The following CPSF6 variants were observed in gnomAD, a reference collection of about 807,000 sequenced individuals.
CPSF6 encodes cleavage and polyadenylation specificity factor subunit 6.
In CPSF6, 10 loss-of-function variants were observed where a neutral mutation model predicts 56.7. The observed-to-expected ratio is 0.18, with a 90% CI of 0.11 to 0.30. The LOEUF is 0.30. Ranked by LOEUF, CPSF6 falls within the 10% of genes least tolerant of loss-of-function variation. CPSF6 has a pLI of 1.00. For missense variants in CPSF6, 419 were observed against 722.9 expected (o/e 0.58, Z 4.82); for synonymous variants, 248 against 244.8 (o/e 1.01, Z -0.12).
At chr12:69,249,760 A>C (rs1872133648) in intron 1 of CPSF6, among the ~76,000 whole-genome samples, 1 of 152,190 alleles carries the variant, frequency 6.6e-6, no homozygotes, top group Non-Finnish European at 1.5e-5. Flanking sequence ...TTCTGCTTTT[A>C]CCTACATTTC....
At chr12:69,268,480 T>C (rs575405592) in intron 9 of CPSF6, among the ~76,000 whole-genome samples, 5 of 151,168 alleles carry the variant, frequency 3.3e-5, no homozygotes, top group Admixed American at 1.3e-4. Context: ...GAAGTAACTC[T>C]TAATTGTAGA....
intron 9 of CPSF6, among the ~76,000 whole-genome samples, chr12:69,268,911 A>G (rs1720452320): frequency 6.6e-6 from 1 of 151,846 alleles, no homozygotes; most frequent in South Asian, 2.1e-4. Context: ...AATTTGTATT[A>G]CGTCTAAAGA....
In CPSF6 at chr12:69,250,506, A is replaced by G. The variant is rs940742053; in HGVS notation, c.61-623A>G. The stretch of plus-strand genomic sequence containing the variant: ...AGGCTGGGTGCAGTGGCTCAAGCCT[A>G]TATTTGGGAGGCCGAGGCAGGAGGA... On this transcript the variant is annotated intron_variant, in intron 1 of 9. Coordinates refer to ENST00000435070, the MANE Select transcript of CPSF6 (RefSeq NM_007007.3). Among the ~76,000 whole-genome samples, 6 of 149,330 alleles carry G rather than the reference A, an allele frequency of 4.0e-5. No individual in the cohort carries two copies. The East Asian group carries it at 5.9e-4, about 15-fold the overall frequency.
chr12:69,242,674 G>A (rs1871688277), intron 1 of CPSF6, among the ~76,000 whole-genome samples: 1 of 152,198 alleles, frequency 6.6e-6, no homozygotes, highest in Non-Finnish European at 1.5e-5. Context: ...ATTACTTGAA[G>A]TTGAGAAGAA....
chr12:69,267,017 A>G (rs1312261730), intron 9 of CPSF6, among the ~76,000 whole-genome samples: 1 of 152,070 alleles, frequency 6.6e-6, no homozygotes, highest in African/African-American at 2.4e-5. Flanking sequence ...TCATATGTAG[A>G]TAATTATTTC....
In CPSF6 at chr12:69,267,866, G is replaced by A. The variant is rs530719761; in HGVS notation, c.*4-1646G>A. On this transcript the variant is annotated intron_variant, in intron 9 of 9. Transcript: ENST00000435070. ...AGATGTGTGTTGCAATTTTACAAAT[G>A]GGATTCTCTATATAAAAATAGTATA... 2.0e-5 allele frequency among the ~76,000 whole-genome samples: 3 copies of A among 151,928 alleles called. No homozygotes were observed. The East Asian group carries it at 5.8e-4, about 29-fold the overall frequency.
chr12:69,258,560 T>TG lies in CPSF6; in HGVS notation c.695-30_695-29insG, dbSNP rs1351796378. On this transcript the variant is annotated intron_variant, in intron 5 of 9. Transcript: ENST00000435070. This position sits in a 1 kb window ranked among gnomAD's most constrained non-coding sequence, Gnocchi z 4.2. ...AAAATATCTTATTAGTGAAGTGTTTTTTTTTCTCTCTTTCTCCTTTGTTTT... is the reference window on the plus strand; with the variant it reads ...AAAATATCTTATTAGTGAAGTGTTTTGTTTTTCTCTCTTTCTCCTTTGTTTT... 3 of 1,549,014 alleles carry TG rather than the reference T, an allele frequency of 1.9e-6. No homozygotes were observed. The highest frequency in any genetic ancestry group is 8.7e-7 in the Non-Finnish European group (1 of 1,153,720).
At chr12:69,241,999 T>G (rs985583557) in intron 1 of CPSF6, among the ~76,000 whole-genome samples, 1 of 152,038 alleles carries the variant, frequency 6.6e-6, no homozygotes, top group African/African-American at 2.4e-5. Context: ...AATATGTTAC[T>G]GTCATTGAAA....
intron 9 of CPSF6, among the ~76,000 whole-genome samples, chr12:69,263,730 C>G (rs1872848251): frequency 1.3e-5 from 2 of 151,970 alleles, no homozygotes; most frequent in Non-Finnish European, 2.9e-5. Context: ...TTTCTTTAAC[C>G]ATAACAGATA....
chr12:69,244,602 TG>T (rs1871793566), intron 1 of CPSF6, among the ~76,000 whole-genome samples: 1 of 152,034 alleles, frequency 6.6e-6, no homozygotes, highest in Non-Finnish European at 1.5e-5. Flanking sequence ...CTTACTGTGT[TG>T]CACAGGTCTC....
At chr12:69,256,878 A>AC in intron 4 of CPSF6, 36 bp downstream of exon 4, 1 of 1,555,136 alleles carries the variant, frequency 6.4e-7, no homozygotes, top group Non-Finnish European at 8.7e-7. Flanking sequence ...TAAAATATGT[A>AC]CATTTTAACC....
intron 9 of CPSF6, among the ~76,000 whole-genome samples, chr12:69,265,670 TC>T (rs1205439604): frequency 6.8e-6 from 1 of 146,508 alleles, no homozygotes; most frequent in African/African-American, 2.5e-5. Context: ...TGGCACAATC[TC>T]AGCTCACCAC....
intron 5 of CPSF6, 48 bp downstream of exon 5, chr12:69,257,953 C>A: frequency 6.3e-7 from 1 of 1,585,962 alleles, no homozygotes; most frequent in Non-Finnish European, 8.6e-7. Flanking sequence ...CTACCTAATA[C>A]CTCTTTTCCT....
intron 9 of CPSF6, among the ~76,000 whole-genome samples, chr12:69,263,787 A>G (rs980024358): frequency 2.6e-5 from 4 of 152,088 alleles, no homozygotes; most frequent in Admixed American, 6.5e-5. Context: ...TGCTATTTTT[A>G]TGGAACACAG....
chr12:69,240,820 A>G (rs1378839455), intron 1 of CPSF6, among the ~76,000 whole-genome samples: 2 of 152,070 alleles, frequency 1.3e-5, no homozygotes, highest in Non-Finnish European at 2.9e-5. Context: ...CTTGCAAAAG[A>G]TGTCGTTTGT....
chr12:69,244,772 A>G (rs567733575), intron 1 of CPSF6, among the ~76,000 whole-genome samples: 13 of 152,112 alleles, frequency 8.5e-5, no homozygotes, highest in East Asian at 5.8e-4. Context: ...AGGATTATCA[A>G]TATCACTGTC....
intron 7 of CPSF6, 129 bp from the exon 8 acceptor site, chr12:69,259,915 A>G (rs1565648833): frequency 1.1e-6 from 1 of 906,518 alleles, no homozygotes; most frequent in Non-Finnish European, 1.7e-6. Flanking sequence ...GAAAGAAGAC[A>G]TTGTCTTGCA....
chr12:69,252,937 C>T (rs1212446229), intron 2 of CPSF6, 114 bp from the exon 3 acceptor site: 3 of 611,512 alleles, frequency 4.9e-6, no homozygotes. Context: ...CTTAGATTTG[C>T]ACTCAGCATT....
intron 9 of CPSF6, among the ~76,000 whole-genome samples, chr12:69,263,724 T>G (rs1872848091): frequency 6.6e-6 from 1 of 152,110 alleles, no homozygotes; most frequent in Non-Finnish European, 1.5e-5. Flanking sequence ...TACCAATTTC[T>G]TTAACCATAA....
Sources: allele counts gnomAD v4.1 joint callset (sites outside exome capture counted in the v4.1 genomes callset), GRCh38; gene constraint gnomAD v4.1.1; non-coding constraint Gnocchi (gnomAD v3.1); transcripts MANE v1.5; gene names NCBI Gene and HGNC (gene_info 2026-07-23, HGNC 2026-07-21).